The following MAP2K3 variants were observed in gnomAD, a reference collection of about 807,000 sequenced individuals.
MAP2K3 encodes mitogen-activated protein kinase kinase 3.
Under a neutral mutation model 46.4 loss-of-function variants are expected in MAP2K3, and 30 were observed. The observed-to-expected ratio is 0.65, with a 90% CI of 0.48 to 0.88. The LOEUF (loss-of-function observed/expected upper bound fraction) is 0.88. Among genes scored for constraint, MAP2K3 ranks in the 40% least tolerant of loss-of-function variants. The pLI, the probability that MAP2K3 is intolerant of heterozygous loss-of-function variation, is 0.00. For synonymous variants in MAP2K3, 189 were observed against 176.3 expected (o/e 1.07, Z -0.57); for missense variants, 380 against 464.5 (o/e 0.82, Z 1.67).
chr17:21,285,621 T>C (rs1350918745), intron 1 of MAP2K3, among the ~76,000 whole-genome samples: 2 of 152,136 alleles, frequency 1.3e-5, no homozygotes, highest in Non-Finnish European at 2.9e-5. Context: ...CCCAGGAACC[T>C]TCCTTGTCCT....
At position 21,290,027 on chromosome 17, in the gene MAP2K3, C is replaced by T. The variant is rs536043729; in HGVS notation, c.49+5058C>T. Among the ~76,000 whole-genome samples, 8 of 152,326 alleles carry T rather than the reference C, an allele frequency of 5.3e-5. 1 individual carries two copies. The South Asian group carries it at 1.7e-3, about 32-fold the overall frequency. ...ACCTCCTGGCGGCTATATCGAGTGCCCTGACTGTCCTTGCCTGCATCACTG... is the reference window on the plus strand; with the variant it reads ...ACCTCCTGGCGGCTATATCGAGTGCTCTGACTGTCCTTGCCTGCATCACTG... On this transcript the variant is annotated intron_variant, in intron 1 of 11. Coordinates refer to ENST00000342679, the MANE Select transcript of MAP2K3 (RefSeq NM_145109.3).
At chr17:21,298,982 G>T in intron 3 of MAP2K3, 56 bp downstream of exon 3, 2 of 1,612,672 alleles carry the variant, frequency 1.2e-6, no homozygotes, top group Non-Finnish European at 1.7e-6. Context: ...CGAGCGGGTA[G>T]AGCTGACCCT....
At chr17:21,293,993 C>T (rs1471769588) in intron 1 of MAP2K3, among the ~76,000 whole-genome samples, 1 of 152,304 alleles carries the variant, frequency 6.6e-6, no homozygotes, top group African/African-American at 2.4e-5. Flanking sequence ...TACCTCAGGA[C>T]CTCTGATGGC....
At chr17:21,303,278 G>A in intron 7 of MAP2K3, 44 bp downstream of exon 7, 1 of 1,612,834 alleles carries the variant, frequency 6.2e-7, no homozygotes, top group Admixed American at 1.7e-5. Context: ...GCCAGTGGGA[G>A]GGATCCCAGG....
At chr17:21,285,479 C>G (rs574178626) in intron 1 of MAP2K3, among the ~76,000 whole-genome samples, 9 of 152,136 alleles carry the variant, frequency 5.9e-5, no homozygotes, top group Admixed American at 5.9e-4. Context: ...CACTGTACCC[C>G]CTATGCGGGT....
chr17:21,311,264 G>A (rs4995134), intron 9 of MAP2K3, among the ~76,000 whole-genome samples: 3 of 152,134 alleles, frequency 2.0e-5, no homozygotes, highest in Middle Eastern at 3.2e-3. Flanking sequence ...CTGGAGCCTC[G>A]GAATTCTCTG....
In MAP2K3 at chr17:21,312,293, G is replaced by T. The variant is rs1258337772; in HGVS notation, c.914+12G>T. On this transcript the variant is annotated intron_variant, in intron 10 of 11. Coordinates refer to ENST00000342679, the MANE Select transcript of MAP2K3 (RefSeq NM_145109.3). The stretch of plus-strand genomic sequence containing the variant: ...TTCACTGCTCAGTGGTGAGTCTTGG[G>T]TGCTGCTGAGCGCCTGCCACTGCCC... 2.5e-6 allele frequency: 4 copies of T among 1,582,170 alleles called. No individual in the cohort carries two copies. The African/African-American group carries it at 5.5e-5, about 22-fold the overall frequency.
intron 1 of MAP2K3, chr17:21,295,724 C>G: frequency 1.6e-6 from 2 of 1,289,572 alleles, no homozygotes; most frequent in Non-Finnish European, 2.0e-6. Flanking sequence ...CTGCGAGGAG[C>G]GTGGTCCCCA....
At position 21,298,994 on chromosome 17, in the gene MAP2K3, C is replaced by A; in HGVS notation, c.165+68C>A. The stretch of plus-strand genomic sequence containing the variant: ...TGACGAGCGGGTAGAGCTGACCCTG[C>A]AGGGCCACTTTGGGGGGAGGTGACT... On this transcript the variant is annotated intron_variant, in intron 3 of 11. Coordinates refer to ENST00000342679, the MANE Select transcript of MAP2K3 (RefSeq NM_145109.3). 8 of 1,608,014 alleles carry A rather than the reference C, an allele frequency of 5.0e-6. No individual in the cohort carries two copies. The South Asian group carries it at 8.8e-5, about 18-fold the overall frequency.
chr17:21,294,440 G>A (rs2144507226), intron 1 of MAP2K3, among the ~76,000 whole-genome samples: 1 of 152,428 alleles, frequency 6.6e-6, no homozygotes, highest in Non-Finnish European at 1.5e-5. Context: ...TTGTCATCTT[G>A]CCCCTGTGGG....
intron 9 of MAP2K3, among the ~76,000 whole-genome samples, chr17:21,309,334 G>A (rs979902340): frequency 6.6e-6 from 1 of 152,282 alleles, no homozygotes; most frequent in Non-Finnish European, 1.5e-5. Flanking sequence ...GAATGCTCCC[G>A]GCTTAATGGA....
chr17:21,303,059 C>T (rs1976694021), intron 6 of MAP2K3, 124 bp from the exon 7 acceptor site: 43 of 1,275,418 alleles, frequency 3.4e-5, no homozygotes, highest in Non-Finnish European at 4.3e-5. Flanking sequence ...TGAGAGGGTG[C>T]GTAGCCTGTG....
At chr17:21,294,548 G>C (rs2363242) in intron 1 of MAP2K3, among the ~76,000 whole-genome samples, 1 of 152,422 alleles carries the variant, frequency 6.6e-6, no homozygotes. Flanking sequence ...CTGTTTGGAC[G>C]TTGGAGCCAG....
intron 1 of MAP2K3, among the ~76,000 whole-genome samples, chr17:21,292,114 C>A (rs1432472525): frequency 2.0e-5 from 3 of 152,424 alleles, no homozygotes; most frequent in Admixed American, 2.0e-4. Flanking sequence ...CTGGTGTCAG[C>A]ATCTGCACTG....
rs746313676 is a variant in MAP2K3, at chr17:21,300,605, G to C, written c.226G>C (p.Gly76Arg). Residue 76 changes from glycine to arginine, a missense_variant, in exon 4 of 12, where the codon GGG (glycine) becomes CGG (arginine). By Grantham distance (125) the Gly-to-Arg change is moderately radical. Coordinates refer to ENST00000342679, the MANE Select transcript of MAP2K3 (RefSeq NM_145109.3). ...CTCAGAACTGGGCCGTGGAGCCTAT[G>C]GGGTGGTAGAGAAGGTGCGGCACGC... ...TISELGRGAY[G>R]VVEKVRHAQS... 2.0e-5 allele frequency: 33 copies of C among 1,613,128 alleles called. No homozygotes were observed. The African/African-American group carries it at 4.1e-4, about 20-fold the overall frequency.
intron 9 of MAP2K3, chr17:21,311,787 T>G (rs5006074): frequency 5.3e-6 from 1 of 189,250 alleles, no homozygotes; most frequent in Non-Finnish European, 1.1e-5. Flanking sequence ...CTCATGAGGC[T>G]ACGGCCCAAA....
At chr17:21,301,699 T>C (rs1976610622) in intron 5 of MAP2K3, among the ~76,000 whole-genome samples, 1 of 152,422 alleles carries the variant, frequency 6.6e-6, no homozygotes, top group Non-Finnish European at 1.5e-5. Flanking sequence ...CCAACCTTCC[T>C]GTCAGGAGGG....
intron 9 of MAP2K3, among the ~76,000 whole-genome samples, chr17:21,309,330 T>C (rs1977052665): frequency 6.6e-6 from 1 of 152,272 alleles, no homozygotes; most frequent in South Asian, 2.1e-4. Flanking sequence ...CAGGGAATGC[T>C]CCCGGCTTAA....
At chr17:21,293,908 C>T (rs972253056) in intron 1 of MAP2K3, among the ~76,000 whole-genome samples, 2 of 152,310 alleles carry the variant, frequency 1.3e-5, no homozygotes, top group African/African-American at 4.8e-5. Context: ...CCCAGAACCT[C>T]AGGGCAAGGG....
Sources: allele counts gnomAD v4.1 joint callset (sites outside exome capture counted in the v4.1 genomes callset), GRCh38; gene constraint gnomAD v4.1.1; transcripts MANE v1.5; gene names NCBI Gene and HGNC (gene_info 2026-07-23, HGNC 2026-07-21).